SEMA6D: variants seen among roughly 807,000 people sequenced by gnomAD.
The protein encoded by SEMA6D is semaphorin 6D.
SEMA6D carries 35 observed loss-of-function variants against 106.6 expected under a neutral mutation model. The observed-to-expected ratio is 0.33, with a 90% CI of 0.25 to 0.44. SEMA6D has a LOEUF of 0.44. Among genes scored for constraint, SEMA6D ranks in the 20% least tolerant of loss-of-function variants. The probability of loss-of-function intolerance (pLI) is 1.00; values close to 1 mark genes in which losing one functional copy is unlikely to be tolerated. For missense variants in SEMA6D, 1,185 were observed against 1,345.9 expected (o/e 0.88, Z 1.87); for synonymous variants, 499 against 487.7 (o/e 1.02, Z -0.31).
intron 1 of SEMA6D, among the ~76,000 whole-genome samples, chr15:47,242,854 A>C (rs2032993957): frequency 6.6e-6 from 1 of 152,146 alleles, no homozygotes; most frequent in Non-Finnish European, 1.5e-5. Flanking sequence ...AGGTGAATGT[A>C]CTATGCATAG....
intron 3 of SEMA6D, among the ~76,000 whole-genome samples, chr15:47,487,509 C>G (rs1296806645): frequency 6.6e-6 from 1 of 152,152 alleles, no homozygotes; most frequent in East Asian, 1.9e-4. Flanking sequence ...CATATCTATA[C>G]ATGTATGTGT....
intron 1 of SEMA6D, among the ~76,000 whole-genome samples, chr15:47,204,759 ATATG>A (rs1894944229): frequency 6.6e-6 from 1 of 152,184 alleles, no homozygotes; most frequent in Non-Finnish European, 1.5e-5. Context: ...ATGAAATAAT[ATATG>A]TAAATCATCT....
chr15:47,307,192 G>C (rs960173404), intron 1 of SEMA6D, among the ~76,000 whole-genome samples: 4 of 152,192 alleles, frequency 2.6e-5, no homozygotes, highest in African/African-American at 9.6e-5. Context: ...TTTACACATA[G>C]AGAACAGTCA....
intron 1 of SEMA6D, among the ~76,000 whole-genome samples, chr15:47,286,983 C>G (rs993606121): frequency 7.2e-5 from 11 of 152,176 alleles, no homozygotes; most frequent in African/African-American, 2.4e-4. Flanking sequence ...CTCTGACATA[C>G]ATTTCTCCCC....
intron 3 of SEMA6D, among the ~76,000 whole-genome samples, chr15:47,530,040 T>A (rs1328519004): frequency 1.3e-5 from 2 of 152,194 alleles, no homozygotes; most frequent in Non-Finnish European, 2.9e-5. Flanking sequence ...GAGGAAGCAG[T>A]CACCATAGCT....
chr15:47,510,819 G>A (rs561715651), intron 3 of SEMA6D, among the ~76,000 whole-genome samples: 7 of 152,260 alleles, frequency 4.6e-5, no homozygotes, highest in Non-Finnish European at 8.8e-5. Context: ...TTCCTTGAAC[G>A]GGAGCAGGGA....
intron 1 of SEMA6D, among the ~76,000 whole-genome samples, chr15:47,722,946 G>A (rs956798781): frequency 6.6e-6 from 1 of 152,174 alleles, no homozygotes; most frequent in African/African-American, 2.4e-5. Context: ...CTGAGAAGCT[G>A]TCATTTTCCT....
At chr15:47,528,237 A>G (rs1378872644) in intron 3 of SEMA6D, among the ~76,000 whole-genome samples, 1 of 152,186 alleles carries the variant, frequency 6.6e-6, no homozygotes, top group East Asian at 1.9e-4. Context: ...GAATAACTAA[A>G]TTCTTATGCA....
Position 47,579,057 on chromosome 15 carries a change from G to A in SEMA6D, c.-86-21808G>A, listed in dbSNP as rs530763848. ...GTAGGGCAGGTGTTCTCACTGTGGT[G>A]TACATATGAAGCCCCTGGGTACTTG... On this transcript the variant is annotated intron_variant, in intron 3 of 19. Transcript: ENST00000558014. Among the ~76,000 whole-genome samples, 5 of 152,144 alleles carry A rather than the reference G, an allele frequency of 3.3e-5. No homozygotes were observed. In the South Asian group the frequency reaches 1.0e-3, roughly 32 times the overall value.
chr15:47,709,796 C>G (rs2078980196), intron 4 of SEMA6D, among the ~76,000 whole-genome samples: 1 of 151,910 alleles, frequency 6.6e-6, no homozygotes, highest in Non-Finnish European at 1.5e-5. Context: ...TATCCCCCTT[C>G]TCTAGGCTGC....
At chr15:47,554,441 ACT>A (rs2045858216) in intron 3 of SEMA6D, among the ~76,000 whole-genome samples, 2 of 152,018 alleles carry the variant, frequency 1.3e-5, no homozygotes, top group South Asian at 2.1e-4. Context: ...GAAAGAGGAG[ACT>A]CTCTTTGCAG....
intron 1 of SEMA6D, among the ~76,000 whole-genome samples, chr15:47,368,615 C>T (rs1186307671): frequency 2.6e-5 from 4 of 151,842 alleles, no homozygotes; most frequent in South Asian, 4.2e-4. Flanking sequence ...GGACTACAGG[C>T]GCCCGCCACT....
intron 4 of SEMA6D, among the ~76,000 whole-genome samples, chr15:47,675,539 C>A (rs1488015740): frequency 6.6e-6 from 1 of 152,162 alleles, no homozygotes; most frequent in South Asian, 2.1e-4. Context: ...GCCTCCAGAA[C>A]TGTAAGAAAA....
chr15:47,426,494 G>A (rs1180257220), intron 2 of SEMA6D, among the ~76,000 whole-genome samples: 1 of 152,102 alleles, frequency 6.6e-6, no homozygotes, highest in Non-Finnish European at 1.5e-5. Flanking sequence ...TGTGGGGTAC[G>A]TGAGGATGCG....
At chr15:47,366,051 T>G (rs1018441611) in intron 1 of SEMA6D, among the ~76,000 whole-genome samples, 5 of 152,234 alleles carry the variant, frequency 3.3e-5, no homozygotes, top group African/African-American at 1.2e-4. Context: ...AGTTATGAAC[T>G]GACCTCCTTT....
At chr15:47,304,121 A>T (rs1437001240) in intron 1 of SEMA6D, among the ~76,000 whole-genome samples, 2 of 152,104 alleles carry the variant, frequency 1.3e-5, no homozygotes, top group Non-Finnish European at 2.9e-5. Flanking sequence ...AGGGGTTGTC[A>T]TGTTATCTTA....
At chr15:47,443,914 A>G (rs1182246824) in intron 2 of SEMA6D, among the ~76,000 whole-genome samples, 1 of 152,146 alleles carries the variant, frequency 6.6e-6, no homozygotes. Flanking sequence ...ATAGCTCATC[A>G]TCATTGCTAG....
chr15:47,211,502 T>C (rs990416913), intron 1 of SEMA6D, among the ~76,000 whole-genome samples: 5 of 152,200 alleles, frequency 3.3e-5, no homozygotes, highest in African/African-American at 1.2e-4. Flanking sequence ...AGTACAAATA[T>C]ATCCTTTAGA....
chr15:47,329,741 C>CT (rs2037269818), intron 1 of SEMA6D, among the ~76,000 whole-genome samples: 1 of 152,150 alleles, frequency 6.6e-6, no homozygotes, highest in Admixed American at 6.5e-5. Context: ...TTAGCCTCTA[C>CT]CACAGACTTA....
Sources: allele counts gnomAD v4.1 joint callset (sites outside exome capture counted in the v4.1 genomes callset), GRCh38; gene constraint gnomAD v4.1.1; transcripts MANE v1.5; gene names NCBI Gene and HGNC (gene_info 2026-07-23, HGNC 2026-07-21).